TPD52L1: variants seen among roughly 807,000 people sequenced by gnomAD.
TPD52L1 encodes tumor protein D53.
TPD52L1 carries 18 observed loss-of-function variants against 28.7 expected under a neutral mutation model. The ratio of observed to expected loss-of-function variants is 0.63; its 90% CI spans 0.43 to 0.93. The LOEUF (loss-of-function observed/expected upper bound fraction) is 0.93. Among genes scored for constraint, TPD52L1 ranks in the 40% least tolerant of loss-of-function variants. TPD52L1 has a pLI of 0.00. For missense variants in TPD52L1, 203 were observed against 254.8 expected (o/e 0.80, Z 1.39); for synonymous variants, 75 against 88.8 (o/e 0.84, Z 0.88).
chr6:125,194,971 T>C (rs1200240313), intron 1 of TPD52L1, among the ~76,000 whole-genome samples: 1 of 152,146 alleles, frequency 6.6e-6, no homozygotes, highest in Non-Finnish European at 1.5e-5. Flanking sequence ...TGTTCTGAAG[T>C]AGGGAAGTTA....
At chr6:125,228,835 A>C (rs1213999089) in intron 2 of TPD52L1, among the ~76,000 whole-genome samples, 1 of 152,254 alleles carries the variant, frequency 6.6e-6, no homozygotes, top group African/African-American at 2.4e-5. Context: ...ATTTCCTAGC[A>C]GGATACAGGT....
At chr6:125,253,840 T>G (rs1797426121) in intron 5 of TPD52L1, 85 bp downstream of exon 5, 7 of 1,283,670 alleles carry the variant, frequency 5.5e-6, no homozygotes, top group Non-Finnish European at 7.9e-6. Context: ...ATGGGGTTCC[T>G]CTGCTTTATG....
intron 3 of TPD52L1, among the ~76,000 whole-genome samples, chr6:125,233,776 CTTTA>C (rs760596357): frequency 6.6e-6 from 1 of 152,052 alleles, no homozygotes; most frequent in African/African-American, 2.4e-5. Flanking sequence ...TAGAAAAATG[CTTTA>C]TTTAAGTCAA....
intron 2 of TPD52L1, among the ~76,000 whole-genome samples, chr6:125,225,364 T>C (rs2114976627): frequency 6.6e-6 from 1 of 152,300 alleles, no homozygotes; most frequent in Admixed American, 6.5e-5. Context: ...GGTATATACC[T>C]AACAGTGGAA....
intron 1 of TPD52L1, among the ~76,000 whole-genome samples, chr6:125,208,114 T>C (rs565820942): frequency 5.7e-4 from 87 of 152,206 alleles, no homozygotes; most frequent in Non-Finnish European, 1.0e-3. Flanking sequence ...AGTTTCAGGA[T>C]ACATTTGGGC....
chr6:125,212,552 T>G (rs1398852267), intron 1 of TPD52L1, among the ~76,000 whole-genome samples: 1 of 152,272 alleles, frequency 6.6e-6, no homozygotes, highest in East Asian at 1.9e-4. Context: ...GTGATTTCAT[T>G]GCAAGGTTGA....
rs140762037 is a variant in TPD52L1, at chr6:125,218,986, C to T, written c.20-1092C>T. On this transcript the variant is annotated intron_variant, in intron 1 of 6. Transcript: ENST00000534000. Reference sequence around the variant, plus strand: ...CAGATAGAATTCCCAGTTACCACCCCGGAAAAAGAAAGGACAGACTCCTAC... The same window carrying T: ...CAGATAGAATTCCCAGTTACCACCCTGGAAAAAGAAAGGACAGACTCCTAC... Among the ~76,000 whole-genome samples, 280 of 152,280 alleles carry T rather than the reference C, an allele frequency of 1.8e-3. 4 individuals are homozygous for T. Among genetic ancestry groups the T allele is most frequent in the African/African-American group, 6.4e-3 (265 of 41,552 alleles).
chr6:125,202,966 A>G (rs1320370810), intron 1 of TPD52L1, among the ~76,000 whole-genome samples: 1 of 151,766 alleles, frequency 6.6e-6, no homozygotes, highest in Non-Finnish European at 1.5e-5. Flanking sequence ...GGGTTTCACC[A>G]TGTTGGCCAG....
At position 125,153,984 on chromosome 6, in the gene TPD52L1, G is replaced by A. The variant is rs1789942476; in HGVS notation, c.19+14G>A. 1.9e-6 allele frequency: 3 copies of A among 1,605,392 alleles called. No individual in the cohort carries two copies. The highest frequency in any genetic ancestry group is 1.7e-5 in the Admixed American group (1 of 59,374). ...CGCAGGCACAAGGTGAGTGGTCGCC[G>A]ATCGCCCCGAGAGTCAGGTCCTGGG... On this transcript the variant is annotated intron_variant, in intron 1 of 6. Coordinates refer to ENST00000534000, the MANE Select transcript of TPD52L1 (RefSeq NM_003287.4).
chr6:125,208,529 CT>C (rs370435480), intron 1 of TPD52L1, among the ~76,000 whole-genome samples: 83 of 147,896 alleles, frequency 5.6e-4, no homozygotes, highest in African/African-American at 1.1e-3. Flanking sequence ...CAACTAATGC[CT>C]TTTTTTTTTG....
At chr6:125,229,323 T>C (rs1795805021) in intron 3 of TPD52L1, 57 bp downstream of exon 3, 21 of 1,487,622 alleles carry the variant, frequency 1.4e-5, no homozygotes, top group Non-Finnish European at 1.7e-5. Context: ...CTCACTCTGT[T>C]GTGTTTTGTT....
At chr6:125,260,632 C>A (rs1797857156) in intron 6 of TPD52L1, among the ~76,000 whole-genome samples, 1 of 151,816 alleles carries the variant, frequency 6.6e-6, no homozygotes, top group South Asian at 2.1e-4. Flanking sequence ...TGTTGAAACC[C>A]CATCTCTACT....
intron 1 of TPD52L1, among the ~76,000 whole-genome samples, chr6:125,202,774 T>TTTTTTTC (rs1244188803): frequency 6.9e-6 from 1 of 145,182 alleles, no homozygotes; most frequent in East Asian, 2.0e-4. Flanking sequence ...ATCTTTTTTT[T>TTTTTTTC]TTTTTTTTGA....
chr6:125,258,116 G>A (rs1039800844), intron 6 of TPD52L1, among the ~76,000 whole-genome samples: 3 of 152,248 alleles, frequency 2.0e-5, no homozygotes, highest in South Asian at 2.1e-4. Context: ...CCTTACTCGC[G>A]GTTCCAGGTG....
At chr6:125,154,071 G>A in intron 1 of TPD52L1, 101 bp downstream of exon 1, 4 of 1,481,560 alleles carry the variant, frequency 2.7e-6, no homozygotes, top group African/African-American at 1.4e-5. Context: ...ACAGATTGGT[G>A]CCGTGTTGCA....
Position 125,247,152 on chromosome 6 carries a change from C to G in TPD52L1, c.285-1130C>G, listed in dbSNP as rs992440351. Among the ~76,000 whole-genome samples, 5 of 152,140 alleles carry G rather than the reference C, an allele frequency of 3.3e-5. No homozygotes were observed. In the East Asian group the frequency reaches 9.7e-4, roughly 30 times the overall value. On this transcript the variant is annotated intron_variant, in intron 3 of 6. Coordinates refer to ENST00000534000, the MANE Select transcript of TPD52L1 (RefSeq NM_003287.4). ...AGGAAAAAGGGCAGTTCCTACATAGCTGATTTCATAGGGTATAATGTTTTC... is the reference window on the plus strand; with the variant it reads ...AGGAAAAAGGGCAGTTCCTACATAGGTGATTTCATAGGGTATAATGTTTTC...
chr6:125,206,374 T>A (rs1403501256), intron 1 of TPD52L1, among the ~76,000 whole-genome samples: 1 of 152,144 alleles, frequency 6.6e-6, no homozygotes, highest in Non-Finnish European at 1.5e-5. Flanking sequence ...TATCTAGTAA[T>A]GTATATAATA....
At chr6:125,196,345 C>T (rs1793437380) in intron 1 of TPD52L1, among the ~76,000 whole-genome samples, 1 of 152,092 alleles carries the variant, frequency 6.6e-6, no homozygotes, top group Non-Finnish European at 1.5e-5. Flanking sequence ...GCCACAGAAA[C>T]ACCTGGGGCA....
chr6:125,169,888 C>T (rs1791169660), intron 1 of TPD52L1, among the ~76,000 whole-genome samples: 1 of 152,152 alleles, frequency 6.6e-6, no homozygotes, highest in African/African-American at 2.4e-5. Context: ...TTTCCTTCTT[C>T]CTCTTTTATT....
Sources: allele counts gnomAD v4.1 joint callset (sites outside exome capture counted in the v4.1 genomes callset), GRCh38; gene constraint gnomAD v4.1.1; transcripts MANE v1.5; gene names NCBI Gene and HGNC (gene_info 2026-07-23, HGNC 2026-07-21).